The following DNHD1 variants were observed in gnomAD, a reference collection of about 807,000 sequenced individuals.
The protein encoded by DNHD1 is dynein heavy chain domain-containing protein 1.
DNHD1 carries 383 observed loss-of-function variants against 458.1 expected under a neutral mutation model. The observed-to-expected ratio is 0.84, with a 90% CI of 0.77 to 0.91. DNHD1 has a LOEUF of 0.91. DNHD1 is among the 40% of genes least tolerant of loss of function. The pLI is 0.00. For synonymous variants in DNHD1, 2,203 were observed against 2,376.9 expected, an observed-to-expected ratio of 0.93 and a Z score of 2.13; for missense variants, 5,336 against 5,866.1, an observed-to-expected ratio of 0.91 and a Z score of 2.95.
chr11:6,566,723 G>C lies in DNHD1; in HGVS notation c.11343G>C (p.Lys3781Asn), dbSNP rs372317431. Residue 3781 changes from lysine to asparagine, a missense_variant, in exon 35 of 43, where the codon AAG (lysine) becomes AAC (asparagine). Around this residue, in one of 4 missense-constraint regions of DNHD1, gnomAD observed 695 missense variants for 804.2 expected, o/e 0.86. Coordinates refer to ENST00000254579, the MANE Select transcript of DNHD1 (RefSeq NM_144666.3). Reference sequence around the variant, plus strand: ...TCGAGACCCGCTGGCAGGACCTAAAGATCAGAGCCCTAGATACCTGCAAGG... The same window carrying C: ...TCGAGACCCGCTGGCAGGACCTAAACATCAGAGCCCTAGATACCTGCAAGG... ...PELETRWQDL[K>N]IRALDTCKAV... The C allele has an allele frequency of 1.7e-5, 27 of 1,611,900 alleles. No homozygotes were observed. The highest frequency in any genetic ancestry group is 2.3e-5 in the Non-Finnish European group (27 of 1,178,938).
At chr11:6,513,855 T>C (rs929199776) in intron 7 of DNHD1, among the ~76,000 whole-genome samples, 4 of 152,182 alleles carry the variant, frequency 2.6e-5, no homozygotes, top group Admixed American at 2.6e-4. Context: ...CATTCTTTTT[T>C]TTTTTTGAGA....
In DNHD1 at chr11:6,548,513, T is replaced by A; in HGVS notation, c.7098+111T>A. 6.9e-7 allele frequency: 1 copy of A among 1,457,876 alleles called. No homozygotes were observed. The highest frequency in any genetic ancestry group is 9.3e-7 in the Non-Finnish European group (1 of 1,078,414). The allele number at this position is 1,457,876 out of a possible 1,614,324, so 90.3% of individuals were successfully genotyped here. A position where few individuals can be genotyped will look rare whatever the true frequency, so the allele number is the denominator to read the frequency against. ...CACTTGCTCCCTTTCTTTGATATAT[T>A]TTCACAATCACAAGAATACATGAAA... On this transcript the variant is annotated intron_variant, in intron 23 of 42. Transcript: ENST00000254579. The surrounding 1 kb of genome is among the most constrained non-coding windows in gnomAD (Gnocchi z 4.4).
At chr11:6,561,516 T>G (rs984471996) in intron 28 of DNHD1, among the ~76,000 whole-genome samples, 4 of 152,202 alleles carry the variant, frequency 2.6e-5, no homozygotes, top group Non-Finnish European at 5.9e-5. Flanking sequence ...GTGCTTATAG[T>G]TTAGCAGAAG....
At chr11:6,528,435 G>GTGTT in intron 10 of DNHD1, 87 bp from the exon 11 acceptor site, 3 of 1,223,166 alleles carry the variant, frequency 2.5e-6, no homozygotes, top group Non-Finnish European at 3.4e-6. Flanking sequence ...GTGTGTGTGT[G>GTGTT]TACACACACT....
rs117876977 is a variant in DNHD1 at position 6,558,810 on chromosome 11, C to G, written c.9212-92C>G. ...AGCCTACAGAGCCCCCTTCACATTTCCTACCCTTCTTCCTGAGCTAGGAGA... is the reference window on the plus strand; with the variant it reads ...AGCCTACAGAGCCCCCTTCACATTTGCTACCCTTCTTCCTGAGCTAGGAGA... On this transcript the variant is annotated intron_variant, in intron 26 of 42. Transcript: ENST00000254579. 2,082 of 1,511,476 alleles carry G rather than the reference C, an allele frequency of 1.4e-3. 43 individuals are homozygous for G. In the East Asian group the frequency reaches 0.039, roughly 28 times the overall value. The allele number at this position is 1,511,476 out of a possible 1,614,324, so 93.6% of individuals were successfully genotyped here.
chr11:6,567,739 T>G lies in DNHD1; in HGVS notation c.12230T>G (p.Met4077Arg). The G allele has an allele frequency of 1.2e-6, 2 of 1,613,992 alleles. No individual in the cohort carries two copies. The highest frequency in any genetic ancestry group is 1.7e-6 in the Non-Finnish European group (2 of 1,179,904). The change falls in exon 36 of 43, where the codon ATG becomes AGG. Residue 4077 changes from methionine to arginine, a missense_variant. By Grantham distance (91) the Met-to-Arg change is moderately conservative. Transcript: ENST00000254579. ...GATGAAAACACGTATGCTCCCACCA[T>G]GCCCTTTAAACATAGTCAGGCTACT... ...PLDENTYAPT[M>R]PFKHSQATQP...
rs182171233 is a variant in DNHD1, at chr11:6,506,237, A to G, written c.921-2643A>G. Among the ~76,000 whole-genome samples, 25 of 152,316 alleles carry G rather than the reference A, an allele frequency of 1.6e-4. No individual in the cohort carries two copies. The East Asian group carries it at 4.8e-3, about 29-fold the overall frequency. ...ACTGAAAAGAGGAGCCAAGCTTTCAACAGACTCAGGGAACTAAATGAGCAA... is the reference window on the plus strand; with the variant it reads ...ACTGAAAAGAGGAGCCAAGCTTTCAGCAGACTCAGGGAACTAAATGAGCAA... On this transcript the variant is annotated intron_variant, in intron 4 of 42. Transcript: ENST00000254579.
rs891497684 is a variant in DNHD1, at chr11:6,567,959, G to A, written c.12352-97G>A. The stretch of plus-strand genomic sequence containing the variant: ...ATTTTCATGGATCTTTCTGTACTAC[G>A]TAGGGACTTTGGGGATCATGGTAGC... On this transcript the variant is annotated intron_variant, in intron 36 of 42. Coordinates refer to ENST00000254579, the MANE Select transcript of DNHD1 (RefSeq NM_144666.3). 19 of 1,484,910 alleles carry A rather than the reference G, an allele frequency of 1.3e-5. 1 individual carries two copies. The highest frequency in any genetic ancestry group is 1.4e-5 in the African/African-American group (1 of 71,236). 92.0% of individuals were successfully genotyped at this position (1,484,910 alleles called of 1,614,324 possible).
At chr11:6,569,943 C>T in intron 39 of DNHD1, 66 bp from the exon 40 acceptor site, 3 of 1,418,022 alleles carry the variant, frequency 2.1e-6, no homozygotes, top group African/African-American at 1.4e-5. Context: ...GAACTGAAGA[C>T]AAGACTTGAC....
intron 14 of DNHD1, among the ~76,000 whole-genome samples, chr11:6,536,421 G>A (rs1852950386): frequency 6.6e-6 from 1 of 152,134 alleles, no homozygotes. Flanking sequence ...CCTACTCTTA[G>A]GAAATGCATA....
At chr11:6,568,930 T>C in intron 39 of DNHD1, 64 bp downstream of exon 39, 1 of 1,491,528 alleles carries the variant, frequency 6.7e-7, no homozygotes, top group Non-Finnish European at 9.0e-7. Context: ...ATCTTCCATA[T>C]GCTGGGATGA....
intron 6 of DNHD1, among the ~76,000 whole-genome samples, chr11:6,510,587 A>AG: frequency 6.6e-6 from 1 of 152,216 alleles, no homozygotes; most frequent in African/African-American, 2.4e-5. Context: ...AGTACTAGCA[A>AG]GGGACTTTAG....
Position 6,547,034 on chromosome 11 carries a change from ACCCCAGTGGCCTCAGCC to A in DNHD1, c.6099_6115del (p.Ser2034GlyfsTer27). On this transcript the variant is annotated frameshift_variant, in exon 21 of 43. Coordinates refer to ENST00000254579, the MANE Select transcript of DNHD1 (RefSeq NM_144666.3). LOFTEE classifies it high-confidence loss of function. ...CAGCCTGTGGAAATTACCCACCTGT[ACCCCAGTGGCCTCAGCC>A]CCCAGGAGTTCCTGGGATGGCTAGA... is the stretch of plus-strand genomic sequence containing the variant. The A allele has an allele frequency of 6.4e-7, 1 of 1,551,612 alleles. No homozygotes were observed. The highest frequency in any genetic ancestry group is 8.7e-7 in the Non-Finnish European group (1 of 1,146,982).
chr11:6,538,275 A>C, intron 14 of DNHD1, 108 bp from the exon 15 acceptor site: 6 of 855,246 alleles, frequency 7.0e-6, no homozygotes, highest in East Asian at 3.1e-5. Context: ...CCCAACCATC[A>C]CTTTCTGGAC....
At chr11:6,497,694 C>G (rs1223386115) in intron 2 of DNHD1, 27 bp downstream of exon 2, 1 of 157,442 alleles carries the variant, frequency 6.4e-6, no homozygotes, top group Non-Finnish European at 1.4e-5. Context: ...GTGCGAGTCT[C>G]TCCGTGTATG....
chr11:6,550,381 A>G (rs984097068), intron 24 of DNHD1, among the ~76,000 whole-genome samples: 32 of 152,248 alleles, frequency 2.1e-4, no homozygotes, highest in Non-Finnish European at 4.4e-4. Flanking sequence ...AGAGTGGTAC[A>G]GTCAGATATA....
chr11:6,562,450 G>A (rs1006044462), intron 28 of DNHD1, among the ~76,000 whole-genome samples: 2 of 152,300 alleles, frequency 1.3e-5, no homozygotes, highest in Non-Finnish European at 1.5e-5. Flanking sequence ...TTGGCAGTTG[G>A]AACGTAAGTA....
Position 6,564,443 on chromosome 11 carries a change from G to C in DNHD1, c.10395G>C (p.Glu3465Asp). The C allele has an allele frequency of 6.4e-7, 1 of 1,551,754 alleles. No individual in the cohort carries two copies. Among genetic ancestry groups the C allele is most frequent in the Non-Finnish European group, 8.7e-7 (1 of 1,146,992 alleles). Residue 3465 changes from glutamate to aspartate, a missense_variant, in exon 32 of 43, where the codon GAG (glutamate) becomes GAC (aspartate). Physicochemically the swap from Glu to Asp is conservative, Grantham distance 45. This residue lies in a region of DNHD1 where 3,932 missense variants were observed against 4,365.6 expected (regional missense o/e 0.90). Coordinates refer to ENST00000254579, the MANE Select transcript of DNHD1 (RefSeq NM_144666.3). ...TGCGGCGCCAAGAGCTACTGGACGA[G>C]TGGTTAGCTCTGTGTAGGGGCTTTC... ...PPLRRQELLDEWLALCRGFQE... is the reference protein window; with the variant it reads ...PPLRRQELLDDWLALCRGFQE...
Position 6,564,195 on chromosome 11 carries a change from C to T in DNHD1, c.10284+71C>T, listed in dbSNP as rs1169392518. 5 of 1,493,196 alleles carry T rather than the reference C, an allele frequency of 3.3e-6. No individual in the cohort carries two copies. The Admixed American group carries it at 1.0e-4, about 30-fold the overall frequency. The allele number at this position is 1,493,196 out of a possible 1,614,324, so 92.5% of individuals were successfully genotyped here. ...CCGTTCGCCTGCTCCTCCCTGTGCC[C>T]TCACTGCCTCCCTCTGTCCCTCTCT... On this transcript the variant is annotated intron_variant, in intron 31 of 42. Coordinates refer to ENST00000254579, the MANE Select transcript of DNHD1 (RefSeq NM_144666.3).
Sources: gnomAD v4.1 joint callset for allele counts (sites outside exome capture counted in the v4.1 genomes callset) on GRCh38, gnomAD v4.1.1 for gene constraint, gnomAD v4.1.1 regional missense constraint, Gnocchi (gnomAD v3.1) non-coding constraint, MANE v1.5 for transcripts, NCBI Gene and HGNC (gene_info 2026-07-23, HGNC 2026-07-21) for gene names.